Variants in PIGH observed in about 807,000 individuals in gnomAD.
The protein encoded by PIGH is phosphatidylinositol N-acetylglucosaminyltransferase subunit H.
Under a neutral mutation model 20.1 loss-of-function variants are expected in PIGH, and 11 were observed. The ratio of observed to expected loss-of-function variants is 0.55; its 90% CI spans 0.34 to 0.91. The LOEUF (loss-of-function observed/expected upper bound fraction) is 0.91, where lower values mean the gene tolerates loss of function less well. Among genes scored for constraint, PIGH ranks in the 40% least tolerant of loss-of-function variants. PIGH has a pLI of 0.02. For synonymous variants in PIGH, 72 were observed against 93.1 expected, an observed-to-expected ratio of 0.77 and a Z score of 1.31; for missense variants, 189 against 233.6, an observed-to-expected ratio of 0.81 and a Z score of 1.24.
intron 1 of PIGH, among the ~76,000 whole-genome samples, chr14:67,598,215 A>C (rs1175908779): frequency 6.6e-6 from 1 of 152,242 alleles, no homozygotes; most frequent in East Asian, 1.9e-4. Flanking sequence ...TTTGGCACAC[A>C]GAGCCCTTAG....
intron 3 of PIGH, 76 bp downstream of exon 3, chr14:67,592,559 C>T: frequency 1.1e-6 from 1 of 901,270 alleles, no homozygotes; most frequent in Non-Finnish European, 1.8e-6. Context: ...TTCCAATACT[C>T]TGACAAAAGG....
Position 67,593,824 on chromosome 14 carries a change from A to T in PIGH, c.309T>A (p.Ser103=), listed in dbSNP as rs2036420687. The stretch of plus-strand genomic sequence containing the variant: ...TAGTGCTTTCTTTGCCTGAAGCATA[A>T]GATGAAGTCATCTGAATGCCAAGGG... ...IDSLGIQMTS[S]YASGKESTTF... Residue 103 remains serine (S), a synonymous_variant, in exon 2 of 4, where the codon TCT becomes TCA. Coordinates refer to ENST00000216452, the MANE Select transcript of PIGH (RefSeq NM_004569.5). The T allele has an allele frequency of 6.2e-7, 1 of 1,613,400 alleles. No homozygotes were observed. Among genetic ancestry groups the T allele is most frequent in the Non-Finnish European group, 8.5e-7 (1 of 1,179,444 alleles).
chr14:67,591,941 T>C (rs551150719), intron 3 of PIGH: 29 of 151,730 alleles, frequency 1.9e-4, no homozygotes, highest in African/African-American at 7.0e-4. Flanking sequence ...TATTATACAA[T>C]TATTTAAAAT....
chr14:67,597,991 A>T (rs541035375), intron 1 of PIGH, among the ~76,000 whole-genome samples: 1 of 152,322 alleles, frequency 6.6e-6, no homozygotes, highest in South Asian at 2.1e-4. Context: ...ATCCTTAAGG[A>T]TTTGATCCAT....
At chr14:67,597,403 A>G (rs994550837) in intron 1 of PIGH, among the ~76,000 whole-genome samples, 3 of 152,108 alleles carry the variant, frequency 2.0e-5, no homozygotes, top group African/African-American at 7.2e-5. Flanking sequence ...GCTTGAGTCC[A>G]GGAGACTGAG....
At chr14:67,592,409 G>A in intron 3 of PIGH, 1 of 504,894 alleles carries the variant, frequency 2.0e-6, no homozygotes, top group East Asian at 3.5e-5. Context: ...CTGCACTCCA[G>A]CCTAGGTGAC....
At chr14:67,593,658 C>T (rs2038490) in intron 2 of PIGH, 85 bp downstream of exon 2, 576,783 of 743,404 alleles carry the variant, frequency 0.78, 226,555 homozygotes, top group Admixed American at 0.83. Flanking sequence ...CTCACTTTTA[C>T]GGTTTTAGTT....
intron 1 of PIGH, 53 bp downstream of exon 1, chr14:67,599,970 TC>T: frequency 1.4e-5 from 21 of 1,459,424 alleles, no homozygotes; most frequent in Non-Finnish European, 1.9e-5. Context: ...CCAAAGACCC[TC>T]CCAAAGCCGA....
intron 1 of PIGH, among the ~76,000 whole-genome samples, chr14:67,599,157 A>C (rs1179695028): frequency 6.6e-6 from 1 of 152,244 alleles, no homozygotes; most frequent in African/African-American, 2.4e-5. Flanking sequence ...ACAATATCCA[A>C]GTTACAAAAA....
chr14:67,598,709 C>A (rs1376043781), intron 1 of PIGH, among the ~76,000 whole-genome samples: 5 of 108,382 alleles, frequency 4.6e-5, no homozygotes, highest in Admixed American at 1.2e-4. Flanking sequence ...GACTTATGAA[C>A]AAACTTTTTT....
At chr14:67,592,847 G>A (rs55692283) in intron 2 of PIGH, 129 bp from the exon 3 acceptor site, 15 of 594,316 alleles carry the variant, frequency 2.5e-5, no homozygotes, top group South Asian at 1.2e-4. Context: ...GTGCAGTGGC[G>A]CAATCTCGGC....
In PIGH at chr14:67,598,835, G is replaced by C. The variant is rs532371165; in HGVS notation, c.180+1189C>G. Reference sequence around the variant, plus strand: ...AGCGATTCTCCCGCCTGAGCCTTCCGAGTGGCTGAGACTACAAGCGTGCAC... The same window carrying C: ...AGCGATTCTCCCGCCTGAGCCTTCCCAGTGGCTGAGACTACAAGCGTGCAC... On this transcript the variant is annotated intron_variant, in intron 1 of 3. Coordinates refer to ENST00000216452, the MANE Select transcript of PIGH (RefSeq NM_004569.5). 4.6e-5 allele frequency among the ~76,000 whole-genome samples: 7 copies of C among 150,976 alleles called. No individual in the cohort carries two copies. In the East Asian group the frequency reaches 1.4e-3, roughly 29 times the overall value.
Position 67,600,261 on chromosome 14 carries a change from G to A in PIGH, c.-58C>T. 11 of 1,416,248 alleles carry A rather than the reference G, an allele frequency of 7.8e-6. No individual in the cohort carries two copies. Among genetic ancestry groups the A allele is most frequent in the Non-Finnish European group, 1.0e-5 (11 of 1,070,456 alleles). 87.7% of individuals were successfully genotyped at this position (1,416,248 alleles called of 1,614,324 possible). ...CGCTGCACTGCGCTCGCCGGCCCTG[G>A]CCGTCTCGCCCGCTCCAGACCCGCT... On this transcript the variant is annotated 5_prime_UTR_variant, in exon 1 of 4. Transcript: ENST00000216452.
At position 67,600,157 on chromosome 14, in the gene PIGH, G is replaced by A. The variant is rs2036552375; in HGVS notation, c.47C>T (p.Ala16Val). 1 of 1,589,796 alleles carries A rather than the reference G, an allele frequency of 6.3e-7. No homozygotes were observed. Among genetic ancestry groups the A allele is most frequent in the Non-Finnish European group, 8.6e-7 (1 of 1,169,198 alleles). Residue 16 changes from alanine to valine, a missense_variant, in exon 1 of 4, where the codon GCG (alanine) becomes GTG (valine). Transcript: ENST00000216452. ...CGGGGAGTAGTAGCGGCGCTGCAGC[G>A]CCAGGCGGCCGCCGCAGATATCCGA... The part of the protein sequence containing the change: ...SFSDICGGRL[A>V]LQRRYYSPSC...
At position 67,600,204 on chromosome 14, in the gene PIGH, G is replaced by A. The variant is rs370713620; in HGVS notation, c.-1C>T. On this transcript the variant is annotated 5_prime_UTR_variant, in exon 1 of 4. Coordinates refer to ENST00000216452, the MANE Select transcript of PIGH (RefSeq NM_004569.5). ...CCGAAAAGCTCCGCTCATCCTCCAT[G>A]ACGCCCCCACTCGGCCGCCCGCACC... The A allele has an allele frequency of 3.0e-5, 47 of 1,571,774 alleles. 1 individual carries two copies. In the East Asian group the frequency reaches 5.0e-4, roughly 17 times the overall value.
At chr14:67,594,341 ACT>A (rs2036430740) in intron 1 of PIGH, among the ~76,000 whole-genome samples, 2 of 152,036 alleles carry the variant, frequency 1.3e-5, no homozygotes, top group Non-Finnish European at 2.9e-5. Context: ...AGCATAAGAC[ACT>A]GTCTCTAAAA....
At chr14:67,598,806 T>G (rs112828890) in intron 1 of PIGH, among the ~76,000 whole-genome samples, 2,245 of 150,228 alleles carry the variant, frequency 0.015, 64 homozygotes, top group African/African-American at 0.053. Context: ...ACCTCCCAGG[T>G]TCAAGCGATT....
rs2036418250 is a variant in PIGH at position 67,593,669 on chromosome 14, T to G, written c.390+74A>C. On this transcript the variant is annotated intron_variant, in intron 2 of 3. Transcript: ENST00000216452. ...AAGTCTCACTTTTACGGTTTTAGTT[T>G]AAATCTGGGAACATCCCATGGGCTG... is the stretch of plus-strand genomic sequence containing the variant. The G allele has an allele frequency of 7.2e-6, 6 of 838,488 alleles. No individual in the cohort carries two copies. The East Asian group carries it at 1.5e-4, about 21-fold the overall frequency. 51.9% of individuals were successfully genotyped at this position (838,488 alleles called of 1,614,324 possible).
intron 3 of PIGH, among the ~76,000 whole-genome samples, chr14:67,591,259 G>A (rs895380984): frequency 6.6e-6 from 1 of 152,016 alleles, no homozygotes; most frequent in African/African-American, 2.4e-5. Flanking sequence ...AGCTAAAAAA[G>A]CTAAATCCAC....
Sources: gnomAD v4.1 joint callset for allele counts (sites outside exome capture counted in the v4.1 genomes callset) on GRCh38, gnomAD v4.1.1 for gene constraint, MANE v1.5 for transcripts, NCBI Gene and HGNC (gene_info 2026-07-23, HGNC 2026-07-21) for gene names.